Variants in PAK5 observed in about 807,000 individuals in gnomAD.
The protein encoded by PAK5 is p21 (RAC1) activated kinase 5.
PAK5 carries 16 observed loss-of-function variants against 65.9 expected under a neutral mutation model. The observed-to-expected ratio is 0.24, with a 90% CI of 0.16 to 0.37. PAK5 has a LOEUF of 0.37. Ranked by LOEUF, PAK5 falls within the 10% of genes least tolerant of loss-of-function variation. PAK5 has a pLI of 1.00. For synonymous variants in PAK5, 371 were observed against 354.9 expected, an observed-to-expected ratio of 1.05 and a Z score of -0.51; for missense variants, 785 against 903.9, an observed-to-expected ratio of 0.87 and a Z score of 1.69.
chr20:9,761,691 A>C (rs1180745945), intron 1 of PAK5, among the ~76,000 whole-genome samples: 1 of 152,210 alleles, frequency 6.6e-6, no homozygotes, highest in Non-Finnish European at 1.5e-5. Flanking sequence ...TGGCATAAAA[A>C]TAGACACATA....
chr20:9,682,375 A>G (rs573681023), intron 2 of PAK5, among the ~76,000 whole-genome samples: 1 of 152,130 alleles, frequency 6.6e-6, no homozygotes, highest in Admixed American at 6.5e-5. Flanking sequence ...ACAAACAAAC[A>G]AAAAAACCTA....
At chr20:9,660,064 C>T (rs995187847) in intron 2 of PAK5, among the ~76,000 whole-genome samples, 1 of 152,070 alleles carries the variant, frequency 6.6e-6, no homozygotes, top group African/African-American at 2.4e-5. Context: ...GACTGTCACT[C>T]CCTTCCAAAT....
intron 2 of PAK5, among the ~76,000 whole-genome samples, chr20:9,652,743 C>T (rs1056937063): frequency 1.3e-5 from 2 of 152,180 alleles, no homozygotes; most frequent in Admixed American, 6.6e-5. Context: ...ACAGCTGTAA[C>T]CCCTTTTCTT....
intron 1 of PAK5, among the ~76,000 whole-genome samples, chr20:9,760,673 C>T (rs894803492): frequency 3.3e-4 from 41 of 122,768 alleles, no homozygotes; most frequent in South Asian, 5.2e-4. Context: ...CTTTTCTTTT[C>T]TTTTTTTTTT....
intron 2 of PAK5, among the ~76,000 whole-genome samples, chr20:9,710,652 T>C (rs2048067231): frequency 6.6e-6 from 1 of 152,120 alleles, no homozygotes; most frequent in African/African-American, 2.4e-5. Flanking sequence ...CCCCCACACA[T>C]ACTAATTGGC....
At position 9,671,233 on chromosome 20, in the gene PAK5, C is replaced by T. The variant is rs191834531; in HGVS notation, c.-11-26894G>A. 2.2e-4 allele frequency among the ~76,000 whole-genome samples: 33 copies of T among 152,224 alleles called. No homozygotes were observed. The East Asian group carries it at 5.8e-3, about 27-fold the overall frequency. On this transcript the variant is annotated intron_variant, in intron 2 of 9. Transcript: ENST00000353224. ...GACGCCTCCAGCTTTGTTCTTTTGG[C>T]TTAGGATTGACTTAGCAATGTGGGC...
intron 3 of PAK5, among the ~76,000 whole-genome samples, chr20:9,634,319 C>G (rs2046958103): frequency 2.0e-5 from 3 of 152,202 alleles, no homozygotes. Context: ...ATTGGCCCTC[C>G]TCCAAATAGA....
chr20:9,720,237 G>A (rs564437260), intron 1 of PAK5, among the ~76,000 whole-genome samples: 50 of 152,060 alleles, frequency 3.3e-4, no homozygotes, highest in African/African-American at 1.2e-3. Flanking sequence ...AGACTTCAAG[G>A]GTTCCATGAA....
chr20:9,660,358 A>C (rs1810591248), intron 2 of PAK5, among the ~76,000 whole-genome samples: 1 of 151,744 alleles, frequency 6.6e-6, no homozygotes, highest in African/African-American at 2.4e-5. Context: ...CTCTTCCCTT[A>C]GGGCTCTCTC....
chr20:9,687,923 T>G (rs992527357), intron 2 of PAK5, among the ~76,000 whole-genome samples: 1 of 151,402 alleles, frequency 6.6e-6, no homozygotes, highest in Middle Eastern at 3.4e-3. Context: ...GTTATGTGTG[T>G]GCATCTGTGT....
chr20:9,699,866 C>G (rs555943334), intron 2 of PAK5, among the ~76,000 whole-genome samples: 2 of 152,044 alleles, frequency 1.3e-5, no homozygotes, highest in Non-Finnish European at 2.9e-5. Flanking sequence ...TTCAAGCACC[C>G]GGTCCCCTCA....
chr20:9,657,374 T>C (rs910020845), intron 2 of PAK5, among the ~76,000 whole-genome samples: 3 of 152,194 alleles, frequency 2.0e-5, no homozygotes, highest in Non-Finnish European at 4.4e-5. Flanking sequence ...GCATGTACCA[T>C]ACTTTGTTTA....
chr20:9,816,405 A>G (rs1327002062), intron 1 of PAK5, among the ~76,000 whole-genome samples: 2 of 152,134 alleles, frequency 1.3e-5, no homozygotes, highest in East Asian at 3.8e-4. Context: ...GTTAAATGTT[A>G]TTCCTGGGTA....
intron 2 of PAK5, among the ~76,000 whole-genome samples, chr20:9,670,363 G>T (rs1476204413): frequency 6.6e-6 from 1 of 152,120 alleles, no homozygotes; most frequent in Non-Finnish European, 1.5e-5. Flanking sequence ...TTCCACAATG[G>T]TTGCACTAGT....
chr20:9,665,585 T>C (rs949976941), intron 2 of PAK5, among the ~76,000 whole-genome samples: 1 of 151,896 alleles, frequency 6.6e-6, no homozygotes, highest in Non-Finnish European at 1.5e-5. Flanking sequence ...TGGGCTCAAG[T>C]CATCCTCCCA....
chr20:9,715,996 G>C (rs958495417), intron 1 of PAK5, among the ~76,000 whole-genome samples: 1 of 152,182 alleles, frequency 6.6e-6, no homozygotes, highest in Non-Finnish European at 1.5e-5. Context: ...GTATGCATAT[G>C]TAACAAACCT....
At chr20:9,634,365 G>A (rs2046958827) in intron 3 of PAK5, among the ~76,000 whole-genome samples, 1 of 152,162 alleles carries the variant, frequency 6.6e-6, no homozygotes, top group South Asian at 2.1e-4. Flanking sequence ...AAATTCCCTG[G>A]GGTGATACTG....
chr20:9,722,666 A>G (rs1283883099), intron 1 of PAK5, among the ~76,000 whole-genome samples: 1 of 152,154 alleles, frequency 6.6e-6, no homozygotes, highest in Non-Finnish European at 1.5e-5. Flanking sequence ...GTAGCCAGTG[A>G]CCAGACCACG....
intron 1 of PAK5, among the ~76,000 whole-genome samples, chr20:9,779,874 T>C (rs950237514): frequency 3.9e-5 from 6 of 152,026 alleles, no homozygotes. Context: ...TTTTTACTAA[T>C]AGATCAAAGC....
Sources: gnomAD v4.1 joint callset for allele counts (sites outside exome capture counted in the v4.1 genomes callset) on GRCh38, gnomAD v4.1.1 for gene constraint, MANE v1.5 for transcripts, NCBI Gene and HGNC (gene_info 2026-07-23, HGNC 2026-07-21) for gene names.